DDX50: variants seen among roughly 807,000 people sequenced by gnomAD.
DDX50 encodes the protein ATP-dependent RNA helicase DDX50.
DDX50 carries 56 observed loss-of-function variants against 94.8 expected under a neutral mutation model. That is an observed-to-expected ratio of 0.59 (90% confidence interval 0.48 to 0.74). DDX50 has a LOEUF of 0.74. DDX50 is among the 30% of genes least tolerant of loss of function. The pLI is 0.00. For synonymous variants in DDX50, 264 were observed against 295.4 expected, an observed-to-expected ratio of 0.89 and a Z score of 1.09; for missense variants, 713 against 881.2, an observed-to-expected ratio of 0.81 and a Z score of 2.42.
chr10:68,901,679 C>T (rs565476303), intron 1 of DDX50, among the ~76,000 whole-genome samples: 2 of 152,304 alleles, frequency 1.3e-5, no homozygotes, highest in South Asian at 4.1e-4. Context: ...GGGCTTTGGG[C>T]CTCTCCTCCG....
At chr10:68,904,664 A>G (rs963609428) in intron 1 of DDX50, among the ~76,000 whole-genome samples, 5 of 152,204 alleles carry the variant, frequency 3.3e-5, no homozygotes, top group African/African-American at 1.2e-4. Flanking sequence ...TCACCTTGAG[A>G]TGTTACTGGG....
intron 8 of DDX50, among the ~76,000 whole-genome samples, chr10:68,928,183 G>A (rs1330274095): frequency 6.6e-6 from 1 of 151,944 alleles, no homozygotes; most frequent in Admixed American, 6.6e-5. Context: ...GGTGTGGTGG[G>A]ACACACCTGT....
intron 7 of DDX50, among the ~76,000 whole-genome samples, chr10:68,916,913 T>C (rs1212571776): frequency 6.6e-6 from 1 of 152,146 alleles, no homozygotes; most frequent in East Asian, 1.9e-4. Flanking sequence ...TTCGAAATCA[T>C]GACCTCAAGT....
chr10:68,901,525 A>C, intron 1 of DDX50, 54 bp downstream of exon 1: 1 of 1,526,770 alleles, frequency 6.5e-7, no homozygotes. Context: ...TTGGGCGGGG[A>C]GGGGAACTGT....
intron 7 of DDX50, 119 bp from the exon 8 acceptor site, chr10:68,919,713 T>A: frequency 8.2e-7 from 1 of 1,225,884 alleles, no homozygotes; most frequent in Non-Finnish European, 1.1e-6. Flanking sequence ...TTGAGGAGAG[T>A]CTTTGTCTTA....
rs922291309 is a variant in DDX50 at position 68,936,945 on chromosome 10, T to C, written c.1605T>C (p.Ala535=). The stretch of plus-strand genomic sequence containing the variant: ...TATTTTTAAACCATAGGTCTCTGGC[T>C]TCCGTTTCTTACGCTGCTGTTGATT... ...SKSMDAIRSL[A]SVSYAAVDFF... Residue 535 remains alanine (A), a synonymous_variant, in exon 12 of 15, where the codon GCT becomes GCC. Transcript: ENST00000373585. 1 of 1,607,594 alleles carries C rather than the reference T, an allele frequency of 6.2e-7. No individual in the cohort carries two copies. The highest frequency in any genetic ancestry group is 2.2e-5 in the East Asian group (1 of 44,780).
chr10:68,920,084 A>C, intron 8 of DDX50, 103 bp downstream of exon 8: 1 of 1,436,368 alleles, frequency 7.0e-7, no homozygotes, highest in Non-Finnish European at 9.6e-7. Context: ...GTCATTCTCA[A>C]AACTGAGTTG....
chr10:68,943,217 T>C lies in DDX50; in HGVS notation c.1895T>C (p.Val632Ala). ...RMCLLKGNMGVCFDVPTTESE... is the reference protein window; with the variant it reads ...RMCLLKGNMGACFDVPTTESE... ...TTTGCTTTGTTTTGCTTTTAGGGTG[T>C]TTGCTTTGATGTTCCTACAACTGAG... is the stretch of plus-strand genomic sequence containing the variant. Residue 632 changes from valine to alanine, a missense_variant, in exon 14 of 15, where the codon GTT (valine) becomes GCT (alanine). Physicochemically the swap from Val to Ala is moderately conservative, Grantham distance 64. Around this residue, in one of 2 missense-constraint regions of DDX50, gnomAD observed 428 missense variants for 602.3 expected, o/e 0.71. Coordinates refer to ENST00000373585, the MANE Select transcript of DDX50 (RefSeq NM_024045.2). 1 of 1,607,528 alleles carries C rather than the reference T, an allele frequency of 6.2e-7. No individual in the cohort carries two copies. Among genetic ancestry groups the C allele is most frequent in the Non-Finnish European group, 8.5e-7 (1 of 1,178,290 alleles).
At chr10:68,926,770 GAGAT>G (rs1438401823) in intron 8 of DDX50, among the ~76,000 whole-genome samples, 1 of 130,852 alleles carries the variant, frequency 7.6e-6, no homozygotes, top group African/African-American at 3.2e-5. Context: ...GTCTCACACA[GAGAT>G]ACACACACAC....
intron 10 of DDX50, among the ~76,000 whole-genome samples, chr10:68,935,741 A>G (rs1442187556): frequency 5.3e-5 from 8 of 152,266 alleles, no homozygotes; most frequent in Non-Finnish European, 1.2e-4. Context: ...AGGCTGAGGC[A>G]GGAGAATTGC....
chr10:68,928,755 T>G (rs1296724332), intron 8 of DDX50, among the ~76,000 whole-genome samples: 1 of 152,154 alleles, frequency 6.6e-6, no homozygotes, highest in Non-Finnish European at 1.5e-5. Context: ...AAACCTAAAT[T>G]AATTAACTTT....
chr10:68,927,424 T>C (rs1173119078), intron 8 of DDX50, among the ~76,000 whole-genome samples: 2 of 152,212 alleles, frequency 1.3e-5, no homozygotes, highest in African/African-American at 4.8e-5. Flanking sequence ...TAAATATTGG[T>C]ATTCCTTACA....
chr10:68,917,090 C>G (rs953879655), intron 7 of DDX50, among the ~76,000 whole-genome samples: 4 of 152,182 alleles, frequency 2.6e-5, no homozygotes, highest in African/African-American at 9.6e-5. Context: ...CTTGACGTTG[C>G]TACTGATTGA....
rs1344980001 is a variant in DDX50, at chr10:68,907,029, C to A, written c.384+22C>A. On this transcript the variant is annotated intron_variant, in intron 2 of 14. Transcript: ENST00000373585. ...GGAGGTATGGAAGCTTTTTATTTTG[C>A]ATTTGACATTGTTGTTGAACTATAG... The A allele has an allele frequency of 2.6e-6, 4 of 1,562,898 alleles. No homozygotes were observed. In the South Asian group the frequency reaches 4.9e-5, roughly 19 times the overall value.
intron 11 of DDX50, among the ~76,000 whole-genome samples, chr10:68,936,515 A>AATATATATAT (rs869117307): frequency 1.9e-5 from 1 of 53,142 alleles, no homozygotes; most frequent in African/African-American, 8.6e-5. Context: ...AAAAAAAAAA[A>AATATATATAT]ATATATATAT....
In DDX50 at chr10:68,946,454, A is replaced by C; in HGVS notation, c.2038A>C (p.Ser680Arg). Residue 680 changes from serine (S) to arginine (R), a missense_variant, in exon 15 of 15, where the codon AGT becomes CGT. Physicochemically the swap from Ser to Arg is moderately radical, Grantham distance 110 (BLOSUM62 -1). This residue lies in a region of DDX50 where 428 missense variants were observed against 602.3 expected (regional missense o/e 0.71). Coordinates refer to ENST00000373585, the MANE Select transcript of DDX50 (RefSeq NM_024045.2). ...CACATCTTCTAATTCCAGACAGAGG[A>C]GTGGCTGGTCAAGTGGTCGATCAGG... ...GNTSSNSRQR[S>R]GWSSGRSGRS... 1.2e-6 allele frequency: 2 copies of C among 1,614,208 alleles called. No homozygotes were observed. Among genetic ancestry groups the C allele is most frequent in the Non-Finnish European group, 1.7e-6 (2 of 1,180,038 alleles).
chr10:68,934,122 G>T lies in DDX50; in HGVS notation c.1240-77G>T. The stretch of plus-strand genomic sequence containing the variant: ...TAAGATTTAAAAACATGCAAAAGGA[G>T]CACAGACTAGATGTTGTTGTGCTAT... On this transcript the variant is annotated intron_variant, in intron 8 of 14. Transcript: ENST00000373585. The surrounding 1 kb of genome is among the most constrained non-coding windows in gnomAD (Gnocchi z 4.0). 2 of 1,392,294 alleles carry T rather than the reference G, an allele frequency of 1.4e-6. No homozygotes were observed. The highest frequency in any genetic ancestry group is 1.5e-5 in the South Asian group (1 of 66,658). The allele number at this position is 1,392,294 out of a possible 1,614,324, so 86.2% of individuals were successfully genotyped here. A position where few individuals can be genotyped will look rare whatever the true frequency, so the allele number is the denominator to read the frequency against.
chr10:68,940,362 G>C (rs1160516630), intron 12 of DDX50, among the ~76,000 whole-genome samples: 1 of 147,852 alleles, frequency 6.8e-6, no homozygotes, highest in East Asian at 2.0e-4. Context: ...CTGGGTGACA[G>C]AGCGAGACCC....
At position 68,934,659 on chromosome 10, in the gene DDX50, C is replaced by T. The variant is rs529542006; in HGVS notation, c.1402-140C>T. ...AATCATATTGCCTTTACCCCAAAAT[C>T]CACACATATAAATTGTTTGGAATGT... On this transcript the variant is annotated intron_variant, in intron 9 of 14. Transcript: ENST00000373585. This position sits in a 1 kb window ranked among gnomAD's most constrained non-coding sequence, Gnocchi z 4.0. The T allele has an allele frequency of 3.0e-4, 342 of 1,132,908 alleles. 9 individuals are homozygous for T. The South Asian group carries it at 5.6e-3, about 18-fold the overall frequency. 70.2% of individuals were successfully genotyped at this position (1,132,908 alleles called of 1,614,324 possible).
Sources: allele counts gnomAD v4.1 joint callset (sites outside exome capture counted in the v4.1 genomes callset), GRCh38; gene constraint gnomAD v4.1.1; regional missense constraint gnomAD v4.1.1; non-coding constraint Gnocchi (gnomAD v3.1); transcripts MANE v1.5; gene names NCBI Gene and HGNC (gene_info 2026-07-23, HGNC 2026-07-21).